AOPEP: variants seen among roughly 807,000 people sequenced by gnomAD.
AOPEP encodes the protein aminopeptidase O (putative).
AOPEP carries 77 observed loss-of-function variants against 98.1 expected under a neutral mutation model. The observed-to-expected ratio is 0.78, with a 90% CI of 0.65 to 0.95. AOPEP has a LOEUF of 0.95. Ranked by LOEUF, AOPEP falls within the 40% of genes least tolerant of loss-of-function variation. The pLI, the probability that AOPEP is intolerant of heterozygous loss-of-function variation, is 0.00. For missense variants in AOPEP, 1,024 were observed against 1,024.7 expected, an observed-to-expected ratio of 1.00 and a Z score of 0.01; for synonymous variants, 346 against 365.3, an observed-to-expected ratio of 0.95 and a Z score of 0.60.
At chr9:94,807,269 G>T (rs1290396442) in intron 5 of AOPEP, among the ~76,000 whole-genome samples, 2 of 152,170 alleles carry the variant, frequency 1.3e-5, no homozygotes, top group Non-Finnish European at 2.9e-5. Context: ...TTGTCAGATC[G>T]AGAAGTAGCA....
chr9:94,861,513 C>G (rs1275471429), intron 5 of AOPEP, among the ~76,000 whole-genome samples: 5 of 152,108 alleles, frequency 3.3e-5, no homozygotes, highest in Admixed American at 1.3e-4. Flanking sequence ...ATTAAGCAAC[C>G]AAGGTCAACA....
intron 2 of AOPEP, among the ~76,000 whole-genome samples, chr9:94,767,782 C>T (rs978636063): frequency 1.3e-5 from 2 of 152,168 alleles, no homozygotes; most frequent in African/African-American, 2.4e-5. Flanking sequence ...TTTGACTTTA[C>T]GTAAAATCTA....
chr9:95,039,165 G>A (rs982015923), intron 13 of AOPEP, among the ~76,000 whole-genome samples: 4 of 152,172 alleles, frequency 2.6e-5, no homozygotes, highest in African/African-American at 9.7e-5. Context: ...ATCGGCCCAT[G>A]CTGTTGGAGT....
chr9:95,118,172 C>T, the AOPEP span, among the ~76,000 whole-genome samples: 1 of 152,130 alleles, frequency 6.6e-6, no homozygotes. Context: ...GCACATGCCA[C>T]CACACCTGGC....
chr9:94,989,691 A>T (rs1321820622), intron 11 of AOPEP, among the ~76,000 whole-genome samples: 1 of 148,154 alleles, frequency 6.7e-6, no homozygotes, highest in Admixed American at 6.8e-5. Context: ...AGCTCACTGC[A>T]ACCTCCACCT....
chr9:94,945,570 C>T (rs1489937244), intron 7 of AOPEP, among the ~76,000 whole-genome samples: 2 of 152,152 alleles, frequency 1.3e-5, no homozygotes, highest in Non-Finnish European at 2.9e-5. Flanking sequence ...GAAAACCAGG[C>T]AAGCCCTCCA....
chr9:94,858,753 A>T (rs2044550059), intron 5 of AOPEP, among the ~76,000 whole-genome samples: 1 of 152,126 alleles, frequency 6.6e-6, no homozygotes, highest in African/African-American at 2.4e-5. Flanking sequence ...TAAGTGCTTT[A>T]TAAAACACAC....
intron 5 of AOPEP, among the ~76,000 whole-genome samples, chr9:94,919,760 A>T (rs926899639): frequency 6.6e-6 from 1 of 152,064 alleles, no homozygotes; most frequent in Non-Finnish European, 1.5e-5. Context: ...TTAGCAAGTA[A>T]TGAAGTCACA....
At chr9:94,880,807 G>A (rs569279022) in intron 5 of AOPEP, among the ~76,000 whole-genome samples, 1 of 152,312 alleles carries the variant, frequency 6.6e-6, no homozygotes. Context: ...TTGAGGAAGA[G>A]TTCCCTTCTC....
chr9:94,933,643 C>A, intron 7 of AOPEP: 1 of 985,400 alleles, frequency 1.0e-6, no homozygotes. Flanking sequence ...GTAACCCTAT[C>A]CATAGCCAAA....
intron 14 of AOPEP, among the ~76,000 whole-genome samples, chr9:95,063,464 T>C (rs1027909411): frequency 6.6e-6 from 1 of 151,788 alleles, no homozygotes; most frequent in African/African-American, 2.4e-5. Context: ...ACTGAGCGCT[T>C]TTAGATCTCC....
intron 11 of AOPEP, among the ~76,000 whole-genome samples, chr9:94,983,563 C>T (rs2060325683): frequency 6.6e-6 from 1 of 152,200 alleles, no homozygotes; most frequent in South Asian, 2.1e-4. Flanking sequence ...ACTCTTCTCA[C>T]CAGAGACTTT....
chr9:94,760,027 A>G lies in AOPEP; in HGVS notation c.244A>G (p.Ile82Val), dbSNP rs757100689. Reference sequence around the variant, plus strand: ...ATTTGGGATGCCTGAACCCTGCCATATTCCCGTGACAAATGCAAGGACCTT... The same window carrying G: ...ATTTGGGATGCCTGAACCCTGCCATGTTCCCGTGACAAATGCAAGGACCTT... ...CKFGMPEPCHIPVTNARTFSS... is the reference protein window; with the variant it reads ...CKFGMPEPCHVPVTNARTFSS... The change falls in exon 2 of 17, where the codon ATT (isoleucine) becomes GTT (valine). Residue 82 changes from isoleucine (I) to valine (V), a missense_variant. Physicochemically the swap from Ile to Val is conservative, Grantham distance 29. Transcript: ENST00000375315. 3 of 1,614,212 alleles carry G rather than the reference A, an allele frequency of 1.9e-6. No homozygotes were observed. Among genetic ancestry groups the G allele is most frequent in the Admixed American group, 3.3e-5 (2 of 60,026 alleles).
At chr9:95,025,791 G>C (rs1421712490) in intron 13 of AOPEP, among the ~76,000 whole-genome samples, 1 of 152,110 alleles carries the variant, frequency 6.6e-6, no homozygotes, top group Admixed American at 6.5e-5. Context: ...CTTAGCCTAG[G>C]TGTCTTGCTT....
chr9:94,999,291 A>G (rs961222290), intron 11 of AOPEP, among the ~76,000 whole-genome samples: 8 of 152,078 alleles, frequency 5.3e-5, no homozygotes, highest in African/African-American at 1.9e-4. Context: ...ATAATGGTAG[A>G]AAAAAAAGGA....
Position 94,836,898 on chromosome 9 carries a change from T to C in AOPEP, c.1364+35896T>C, listed in dbSNP as rs956562965. ...GTATGGTGCGAGGATTAGTTCAAGGTTCATTTTTTTTGCCTATGCTTGTCT... is the reference window on the plus strand; with the variant it reads ...GTATGGTGCGAGGATTAGTTCAAGGCTCATTTTTTTTGCCTATGCTTGTCT... On this transcript the variant is annotated intron_variant, in intron 5 of 16. Coordinates refer to ENST00000375315, the MANE Select transcript of AOPEP (RefSeq NM_001193329.3). 1.3e-5 allele frequency among the ~76,000 whole-genome samples: 2 copies of C among 149,562 alleles called. 1 individual carries two copies. Among genetic ancestry groups the C allele is most frequent in the South Asian group, 4.1e-4 (2 of 4,834 alleles).
the AOPEP span, chr9:95,110,868 CCA>C: frequency 3.3e-6 from 4 of 1,199,146 alleles, no homozygotes; most frequent in Admixed American, 4.0e-5. Context: ...ACTGTCTTTG[CCA>C]CAGACAGTTA....
chr9:95,039,869 A>G (rs1031098035), intron 13 of AOPEP, among the ~76,000 whole-genome samples: 4 of 152,204 alleles, frequency 2.6e-5, no homozygotes, highest in Non-Finnish European at 5.9e-5. Flanking sequence ...CTGACTTTTT[A>G]TTTAGAGTTT....
At chr9:94,767,813 A>C (rs1839960813) in intron 2 of AOPEP, among the ~76,000 whole-genome samples, 2 of 152,216 alleles carry the variant, frequency 1.3e-5, no homozygotes. Flanking sequence ...TCAAAGCAGC[A>C]TTCTCCCTGG....
Sources: allele counts gnomAD v4.1 joint callset (sites outside exome capture counted in the v4.1 genomes callset), GRCh38; gene constraint gnomAD v4.1.1; transcripts MANE v1.5; gene names NCBI Gene and HGNC (gene_info 2026-07-23, HGNC 2026-07-21).